The following AK5 variants were observed in gnomAD, a reference collection of about 807,000 sequenced individuals.
AK5 encodes adenylate kinase 5.
Under a neutral mutation model 69.5 loss-of-function variants are expected in AK5, and 27 were observed. That is an observed-to-expected ratio of 0.39 (90% CI 0.29 to 0.54). AK5 has a LOEUF of 0.54. Among genes scored for constraint, AK5 ranks in the 20% least tolerant of loss-of-function variants. AK5 has a pLI of 0.71. For synonymous variants in AK5, 260 were observed against 244.4 expected (o/e 1.06, Z -0.60); for missense variants, 531 against 700.4 (o/e 0.76, Z 2.73).
intron 6 of AK5, among the ~76,000 whole-genome samples, chr1:77,408,684 G>T (rs1487826916): frequency 1.3e-5 from 2 of 151,936 alleles, no homozygotes; most frequent in East Asian, 1.9e-4. Context: ...TTTTAAATAT[G>T]TGCAGTTCAT....
intron 6 of AK5, among the ~76,000 whole-genome samples, chr1:77,353,072 A>C (rs1015853752): frequency 4.6e-5 from 7 of 152,252 alleles, no homozygotes; most frequent in African/African-American, 1.7e-4. Flanking sequence ...AAAATAAGAA[A>C]TTTGTTTCTA....
At chr1:77,334,821 G>A (rs992668342) in intron 5 of AK5, among the ~76,000 whole-genome samples, 14 of 152,122 alleles carry the variant, frequency 9.2e-5, no homozygotes, top group African/African-American at 2.4e-5. Context: ...TGGGGGTGGG[G>A]TTTGGTGTGG....
intron 6 of AK5, among the ~76,000 whole-genome samples, chr1:77,368,312 TTATATATAA>T (rs538062153): frequency 0.016 from 2,070 of 129,692 alleles, 67 homozygotes; most frequent in African/African-American, 0.055. Context: ...AATATATATG[TTATATATAA>T]TATATATGTT....
At chr1:77,410,091 A>G (rs931067122) in intron 6 of AK5, among the ~76,000 whole-genome samples, 4 of 152,178 alleles carry the variant, frequency 2.6e-5, no homozygotes, top group African/African-American at 9.6e-5. Flanking sequence ...AAAACTCAGA[A>G]AATAGAGAAT....
At chr1:77,363,055 C>T (rs1044605083) in intron 6 of AK5, among the ~76,000 whole-genome samples, 1 of 152,148 alleles carries the variant, frequency 6.6e-6, no homozygotes, top group Admixed American at 6.5e-5. Flanking sequence ...AGCTTGACCT[C>T]TTCCTTGAAC....
At chr1:77,481,703 C>G (rs1440377629) in intron 8 of AK5, among the ~76,000 whole-genome samples, 1 of 152,210 alleles carries the variant, frequency 6.6e-6, no homozygotes, top group Non-Finnish European at 1.5e-5. Flanking sequence ...GAGGCTGTCC[C>G]TTCAAAATGG....
intron 6 of AK5, among the ~76,000 whole-genome samples, chr1:77,388,023 A>C (rs1472181947): frequency 6.6e-6 from 1 of 152,118 alleles, no homozygotes; most frequent in Non-Finnish European, 1.5e-5. Context: ...TTATTTTCTT[A>C]TTATCCTGCC....
At chr1:77,532,000 G>A (rs1055853974) in intron 12 of AK5, 3 of 139,390 alleles carry the variant, frequency 2.2e-5, no homozygotes, top group African/African-American at 7.4e-5. Flanking sequence ...CCGGCCGGCC[G>A]GCCGGCCGCT....
chr1:77,317,016 G>A (rs1023014004), intron 5 of AK5, among the ~76,000 whole-genome samples: 12 of 152,200 alleles, frequency 7.9e-5, no homozygotes, highest in South Asian at 2.1e-4. Context: ...ATAATTTCAC[G>A]TGCTTTATAT....
At chr1:77,558,487 C>G in intron 13 of AK5, 115 bp from the exon 14 acceptor site, 5 of 523,686 alleles carry the variant, frequency 9.5e-6, no homozygotes, top group African/African-American at 2.0e-5. Flanking sequence ...TGGGGGGGGT[C>G]TTGTGTTTTA....
chr1:77,291,796 G>A (rs1323445542), intron 2 of AK5, among the ~76,000 whole-genome samples: 2 of 152,174 alleles, frequency 1.3e-5, no homozygotes, highest in African/African-American at 4.8e-5. Context: ...GACAAACAAT[G>A]AATGAATGGA....
chr1:77,398,943 G>T (rs1331546895), intron 6 of AK5, among the ~76,000 whole-genome samples: 1 of 151,674 alleles, frequency 6.6e-6, no homozygotes, highest in African/African-American at 2.4e-5. Context: ...TTTATTTGAC[G>T]AAATCTATTA....
intron 6 of AK5, among the ~76,000 whole-genome samples, chr1:77,367,831 T>TATGTTATATATATTATATATAAC (rs1647015999): frequency 1.3e-3 from 3 of 2,368 alleles, no homozygotes; most frequent in African/African-American, 3.4e-3. Context: ...TTATATATAA[T>TATGTTATATATATTATATATAAC]ATATGTTATA....
chr1:77,319,607 A>G (rs1660417954), intron 5 of AK5, among the ~76,000 whole-genome samples: 1 of 152,194 alleles, frequency 6.6e-6, no homozygotes, highest in South Asian at 2.1e-4. Context: ...TTTCTGCACC[A>G]AGATTCACTC....
chr1:77,314,950 C>T (rs1660167995), intron 5 of AK5: 1 of 152,022 alleles, frequency 6.6e-6, no homozygotes, highest in African/African-American at 2.4e-5. Flanking sequence ...CTATCATGTT[C>T]TAGGCTATTG....
At chr1:77,454,518 A>G (rs1196138108) in intron 8 of AK5, among the ~76,000 whole-genome samples, 3 of 152,226 alleles carry the variant, frequency 2.0e-5, no homozygotes, top group Non-Finnish European at 4.4e-5. Flanking sequence ...TTACTCTGAA[A>G]ATGATTGCAT....
At chr1:77,289,189 G>A (rs1658537450) in intron 2 of AK5, among the ~76,000 whole-genome samples, 1 of 152,132 alleles carries the variant, frequency 6.6e-6, no homozygotes, top group African/African-American at 2.4e-5. Flanking sequence ...GAGCAGAATT[G>A]GAGTTTAGGA....
At chr1:77,347,170 A>G (rs549463679) in intron 6 of AK5, among the ~76,000 whole-genome samples, 1 of 152,308 alleles carries the variant, frequency 6.6e-6, no homozygotes, top group Admixed American at 6.5e-5. Flanking sequence ...GGTAACAATG[A>G]TATCTATATT....
chr1:77,546,425 G>A (rs1659547137), intron 13 of AK5, among the ~76,000 whole-genome samples: 1 of 152,074 alleles, frequency 6.6e-6, no homozygotes, highest in African/African-American at 2.4e-5. Context: ...TTAATGTTGG[G>A]AATTCATAGG....
Sources: gnomAD v4.1 joint callset for allele counts (sites outside exome capture counted in the v4.1 genomes callset) on GRCh38, gnomAD v4.1.1 for gene constraint, MANE v1.5 for transcripts, NCBI Gene and HGNC (gene_info 2026-07-23, HGNC 2026-07-21) for gene names.